Variants in CYFIP2 observed in about 807,000 individuals in gnomAD.
The protein encoded by CYFIP2 is cytoplasmic FMR1 interacting protein 2.
Under a neutral mutation model 158.7 loss-of-function variants are expected in CYFIP2, and 29 were observed. That is an observed-to-expected ratio of 0.18 (90% CI 0.14 to 0.25). The LOEUF (loss-of-function observed/expected upper bound fraction) is 0.25, where lower values mean the gene tolerates loss of function less well. Among genes scored for constraint, CYFIP2 ranks in the 10% least tolerant of loss-of-function variants. CYFIP2 has a pLI of 1.00. For synonymous variants in CYFIP2, 585 were observed against 617.6 expected (o/e 0.95, Z 0.78); for missense variants, 852 against 1,639.5 (o/e 0.52, Z 8.29).
At chr5:157,328,089 A>G (rs1393669918) in intron 19 of CYFIP2, 40 bp downstream of exon 19, 1 of 1,573,132 alleles carries the variant, frequency 6.4e-7, no homozygotes, top group Admixed American at 1.7e-5. Context: ...ATCTCTTAAG[A>G]CTGCCACCTA....
At chr5:157,267,481 C>T (rs1296662685) in intron 1 of CYFIP2, among the ~76,000 whole-genome samples, 1 of 152,192 alleles carries the variant, frequency 6.6e-6, no homozygotes, top group Non-Finnish European at 1.5e-5. Context: ...CCTGTGAAGG[C>T]CTTGATGGTT....
At chr5:157,391,016 C>T (rs541806991) in intron 30 of CYFIP2, among the ~76,000 whole-genome samples, 13 of 152,106 alleles carry the variant, frequency 8.5e-5, no homozygotes, top group African/African-American at 2.7e-4. Context: ...TAGGTACTGG[C>T]GTGGGGTGAG....
chr5:157,343,655 T>C, intron 23 of CYFIP2: 1 of 841,380 alleles, frequency 1.2e-6, no homozygotes, highest in South Asian at 2.0e-5. Context: ...GTTGCCCTCA[T>C]CTTACAGACA....
chr5:157,274,340 C>T (rs993523060), intron 1 of CYFIP2, among the ~76,000 whole-genome samples: 1 of 152,068 alleles, frequency 6.6e-6, no homozygotes, highest in Non-Finnish European at 1.5e-5. Flanking sequence ...CAATACAATA[C>T]GGGGTCTTTA....
chr5:157,284,408 T>C (rs114393457), intron 1 of CYFIP2, among the ~76,000 whole-genome samples: 287 of 152,384 alleles, frequency 1.9e-3, no homozygotes, highest in Non-Finnish European at 3.3e-3. Flanking sequence ...ATTTGCATTA[T>C]TGATTTCTAA....
chr5:157,342,558 T>G, intron 23 of CYFIP2: 1 of 273,066 alleles, frequency 3.7e-6, no homozygotes, highest in Non-Finnish European at 6.9e-6. Context: ...ATGCAAATTT[T>G]TGCTTTCTAC....
intron 5 of CYFIP2, 43 bp from the exon 6 acceptor site, chr5:157,300,672 A>C (rs1758671059): frequency 7.0e-7 from 1 of 1,431,494 alleles, no homozygotes; most frequent in Non-Finnish European, 9.2e-7. Flanking sequence ...CTGCCCCCAT[A>C]AGGGAGCACA....
intron 23 of CYFIP2, among the ~76,000 whole-genome samples, chr5:157,353,444 C>T (rs1421581305): frequency 6.6e-6 from 1 of 152,218 alleles, no homozygotes; most frequent in South Asian, 2.1e-4. Flanking sequence ...TTGGATCTTT[C>T]AGCCTCTGAG....
intron 23 of CYFIP2, among the ~76,000 whole-genome samples, 168 bp from the exon 24 acceptor site, chr5:157,358,836 AC>A (rs1227719327): frequency 8.5e-5 from 13 of 152,152 alleles, no homozygotes; most frequent in Non-Finnish European, 1.3e-4. Flanking sequence ...GTAGTCACTG[AC>A]CACACCTCTC....
chr5:157,304,505 AC>A (rs1230107944), intron 8 of CYFIP2, 139 bp downstream of exon 8: 2 of 974,000 alleles, frequency 2.1e-6, no homozygotes, highest in East Asian at 2.6e-5. Context: ...ATGGTTTGTA[AC>A]CTGTTCCTTT....
In CYFIP2 at chr5:157,330,769, T is replaced by C. The variant is rs552046747; in HGVS notation, c.2184T>C (p.Ala728=). 1 of 1,614,024 alleles carries C rather than the reference T, an allele frequency of 6.2e-7. No individual in the cohort carries two copies. The highest frequency in any genetic ancestry group is 1.3e-5 in the African/African-American group (1 of 75,050). Residue 728 remains alanine, a synonymous_variant, in exon 20 of 31, where the codon GCT becomes GCC. Transcript: ENST00000620254. ...TCCTGTTGGATAAACGTTTTCGAGC[T>C]GAGTGTAAGAATTATGGCGTCATCA... ...GSVLLDKRFR[A]ECKNYGVIIP... is the part of the protein sequence containing the mutation.
intron 22 of CYFIP2, 128 bp downstream of exon 22, chr5:157,339,384 G>T (rs1762083223): frequency 3.8e-6 from 3 of 798,024 alleles, no homozygotes; most frequent in Non-Finnish European, 4.0e-6. Flanking sequence ...CCCCTCCTGG[G>T]CACAGGCTTT....
At chr5:157,359,180 T>C in intron 24 of CYFIP2, 32 bp downstream of exon 24, 6 of 1,610,936 alleles carry the variant, frequency 3.7e-6, no homozygotes, top group Non-Finnish European at 5.1e-6. Flanking sequence ...GCTTGAGATA[T>C]GCCCATGTGG....
At chr5:157,307,889 G>A in intron 9 of CYFIP2, 24 bp downstream of exon 9, 1 of 1,392,900 alleles carries the variant, frequency 7.2e-7, no homozygotes, top group Non-Finnish European at 1.0e-6. Flanking sequence ...GCTGGGGCTG[G>A]GCAGAGGGCT....
intron 23 of CYFIP2, among the ~76,000 whole-genome samples, chr5:157,346,795 CCAAT>C (rs1762727347): frequency 6.6e-6 from 1 of 152,218 alleles, no homozygotes; most frequent in Non-Finnish European, 1.5e-5. Flanking sequence ...AAACTGCTTC[CCAAT>C]CAATCAGTTG....
At chr5:157,284,064 T>C (rs1757192749) in intron 1 of CYFIP2, among the ~76,000 whole-genome samples, 1 of 152,028 alleles carries the variant, frequency 6.6e-6, no homozygotes, top group African/African-American at 2.4e-5. Context: ...ATTAATAATA[T>C]TTTTCTGAAA....
chr5:157,281,947 C>T (rs115178165), intron 1 of CYFIP2, among the ~76,000 whole-genome samples: 2,498 of 152,240 alleles, frequency 0.016, 29 homozygotes, highest in Non-Finnish European at 0.028. Context: ...TGAGTGCATG[C>T]TCTCCATACC....
chr5:157,329,282 C>T (rs1044760990), intron 19 of CYFIP2, among the ~76,000 whole-genome samples: 5 of 152,230 alleles, frequency 3.3e-5, no homozygotes, highest in African/African-American at 1.2e-4. Flanking sequence ...GTGGTTCTAA[C>T]AGTGAGTTGA....
chr5:157,389,461 C>A, intron 29 of CYFIP2, 34 bp downstream of exon 29: 1 of 1,503,760 alleles, frequency 6.6e-7, no homozygotes. Flanking sequence ...GGGTTACCCC[C>A]AACCTGCCTG....
Sources: gnomAD v4.1 joint callset for allele counts (sites outside exome capture counted in the v4.1 genomes callset) on GRCh38, gnomAD v4.1.1 for gene constraint, MANE v1.5 for transcripts, NCBI Gene and HGNC (gene_info 2026-07-23, HGNC 2026-07-21) for gene names.